PLPPR1: variants seen among roughly 807,000 people sequenced by gnomAD.
The protein encoded by PLPPR1 is phospholipid phosphatase related 1, also known as phospholipid phosphatase-related protein type 1.
A neutral mutation model predicts 33.1 loss-of-function variants in PLPPR1; 10 were observed. The ratio of observed to expected loss-of-function variants is 0.30; its 90% CI spans 0.19 to 0.51. PLPPR1 has a LOEUF of 0.51. Among genes scored for constraint, PLPPR1 ranks in the 20% least tolerant of loss-of-function variants. The pLI, the probability that PLPPR1 is intolerant of heterozygous loss-of-function variation, is 0.97. For synonymous variants in PLPPR1, 151 were observed against 151.0 expected (o/e 1.00, Z 0.00); for missense variants, 304 against 408.1 (o/e 0.74, Z 2.20).
At position 101,180,094 on chromosome 9, in the gene PLPPR1, TTATATATATATATATA is replaced by T. The variant is rs71507977; in HGVS notation, c.-45-5321_-45-5306del. Among the ~76,000 whole-genome samples the T allele has an allele frequency of 7.6e-4, 47 of 62,020 alleles. 4 individuals carry two copies. In the East Asian group the frequency reaches 0.012, roughly 16 times the overall value. The allele number at this position is 62,020 out of a possible 152,430, so 40.7% of individuals were successfully genotyped here. A position where few individuals can be genotyped will look rare whatever the true frequency, so the allele number is the denominator to read the frequency against. On this transcript the variant is annotated intron_variant, in intron 1 of 7. Coordinates refer to ENST00000374874, the MANE Select transcript of PLPPR1 (RefSeq NM_207299.2). ...GAGTTAATACTTAATAAACTCTCCT[TTATATATATATATATA>T]TATATATATATATATATATATATAT... is the stretch of plus-strand genomic sequence containing the variant.
At chr9:101,222,006 A>G (rs1282735664) in intron 2 of PLPPR1, among the ~76,000 whole-genome samples, 1 of 152,234 alleles carries the variant, frequency 6.6e-6, no homozygotes, top group South Asian at 2.1e-4. Flanking sequence ...GAAAATCAGC[A>G]TCAACATATA....
chr9:101,307,843 CT>C (rs1167237230), intron 4 of PLPPR1, among the ~76,000 whole-genome samples: 1 of 152,196 alleles, frequency 6.6e-6, no homozygotes, highest in Non-Finnish European at 1.5e-5. Flanking sequence ...GCCTCTCGCA[CT>C]TGTCAACTTC....
At chr9:101,128,249 G>A (rs1035805686) in intron 1 of PLPPR1, among the ~76,000 whole-genome samples, 1 of 152,160 alleles carries the variant, frequency 6.6e-6, no homozygotes, top group Non-Finnish European at 1.5e-5. Flanking sequence ...ACATTCAGCT[G>A]TAGAGAAATT....
chr9:101,237,938 A>G (rs182442976), intron 2 of PLPPR1, among the ~76,000 whole-genome samples: 39 of 131,874 alleles, frequency 3.0e-4, no homozygotes, highest in African/African-American at 1.1e-3. Context: ...ATATATATAT[A>G]TATGCTATAT....
chr9:101,240,667 A>G (rs1158189489), intron 2 of PLPPR1, among the ~76,000 whole-genome samples: 2 of 151,982 alleles, frequency 1.3e-5, no homozygotes, highest in South Asian at 4.1e-4. Context: ...TTGTTATCCA[A>G]CCTCCCTTCT....
At chr9:101,046,435 C>CTTTTTTTTTTTTTTT (rs527884198) in intron 1 of PLPPR1, among the ~76,000 whole-genome samples, 14 of 116,752 alleles carry the variant, frequency 1.2e-4, no homozygotes, top group East Asian at 5.4e-4. Flanking sequence ...CTCTTTTATT[C>CTTTTTTTTTTTTTTT]TTTTTTTTTT....
chr9:101,062,236 G>A (rs1028488094), intron 1 of PLPPR1, among the ~76,000 whole-genome samples: 5 of 151,112 alleles, frequency 3.3e-5, no homozygotes, highest in African/African-American at 4.9e-5. Flanking sequence ...TATCTGTCAA[G>A]GATCACATTA....
chr9:101,155,944 C>T (rs950803615), intron 1 of PLPPR1, among the ~76,000 whole-genome samples: 5 of 152,092 alleles, frequency 3.3e-5, no homozygotes, highest in African/African-American at 1.2e-4. Flanking sequence ...CACATTCAAG[C>T]AAGAGCAAAT....
In PLPPR1 at chr9:101,286,811, G is replaced by C. The variant is rs147418967; in HGVS notation, c.385+575G>C. The stretch of plus-strand genomic sequence containing the variant: ...GAGGTGCTAGTGATTAATAATTATA[G>C]ATATGGGAATAAATGTGTATGGGTA... On this transcript the variant is annotated intron_variant, in intron 4 of 7. Coordinates refer to ENST00000374874, the MANE Select transcript of PLPPR1 (RefSeq NM_207299.2). 8.2e-3 allele frequency among the ~76,000 whole-genome samples: 1,255 copies of C among 152,280 alleles called. 9 individuals are homozygous for C. Among genetic ancestry groups the C allele is most frequent in the Non-Finnish European group, 0.013 (866 of 68,028 alleles).
intron 4 of PLPPR1, among the ~76,000 whole-genome samples, chr9:101,302,045 GC>G (rs1363342215): frequency 1.3e-5 from 2 of 152,138 alleles, no homozygotes; most frequent in African/African-American, 4.8e-5. Context: ...TAAGAATATA[GC>G]CTCTGGAGCC....
rs1165276476 is a variant in PLPPR1 at position 101,281,406 on chromosome 9, A to G, written c.253-4698A>G. Reference sequence around the variant, plus strand: ...TGTTCTTCAAAAAAATAGAAAAGAAATAATTCTGACATTTATATGACATCA... The same window carrying G: ...TGTTCTTCAAAAAAATAGAAAAGAAGTAATTCTGACATTTATATGACATCA... On this transcript the variant is annotated intron_variant, in intron 3 of 7. Transcript: ENST00000374874. 2.0e-5 allele frequency among the ~76,000 whole-genome samples: 3 copies of G among 152,216 alleles called. No individual in the cohort carries two copies. The South Asian group carries it at 6.2e-4, about 32-fold the overall frequency.
At chr9:101,146,341 A>G (rs1831521708) in intron 1 of PLPPR1, among the ~76,000 whole-genome samples, 1 of 152,156 alleles carries the variant, frequency 6.6e-6, no homozygotes, top group Non-Finnish European at 1.5e-5. Context: ...AAAAAGGGGT[A>G]ATACACTTCA....
intron 1 of PLPPR1, among the ~76,000 whole-genome samples, chr9:101,069,741 C>G (rs1830461150): frequency 1.3e-5 from 2 of 152,078 alleles, no homozygotes; most frequent in Admixed American, 6.6e-5. Flanking sequence ...CACTTACGTC[C>G]CTAACTGTCA....
intron 2 of PLPPR1, among the ~76,000 whole-genome samples, chr9:101,247,046 A>T (rs998098100): frequency 5.3e-5 from 8 of 151,952 alleles, no homozygotes; most frequent in African/African-American, 1.9e-4. Flanking sequence ...CTATTTAGTG[A>T]GAGAAACTAC....
At chr9:101,257,086 G>A (rs949501547) in intron 2 of PLPPR1, among the ~76,000 whole-genome samples, 2 of 152,064 alleles carry the variant, frequency 1.3e-5, no homozygotes, top group African/African-American at 2.4e-5. Flanking sequence ...TTAAATGACT[G>A]TATGCCAAAA....
At chr9:101,250,333 C>G (rs186163177) in intron 2 of PLPPR1, among the ~76,000 whole-genome samples, 12 of 152,180 alleles carry the variant, frequency 7.9e-5, no homozygotes, top group Admixed American at 6.6e-4. Flanking sequence ...CCATCCTCCT[C>G]CTTTTCAAAG....
At chr9:101,243,073 G>A (rs966022399) in intron 2 of PLPPR1, among the ~76,000 whole-genome samples, 3 of 152,010 alleles carry the variant, frequency 2.0e-5, no homozygotes, top group Admixed American at 2.0e-4. Flanking sequence ...AGAAGGAAAA[G>A]CATATTAATA....
intron 1 of PLPPR1, among the ~76,000 whole-genome samples, chr9:101,050,124 GAAAAAAAAAAA>G (rs35688096): frequency 5.7e-5 from 2 of 35,182 alleles, no homozygotes; most frequent in South Asian, 1.0e-3. Flanking sequence ...CTCCAACTCA[GAAAAAAAAAAA>G]AAAAAAAAAA....
chr9:101,316,013 T>G (rs1390370193), intron 6 of PLPPR1, among the ~76,000 whole-genome samples: 1 of 152,114 alleles, frequency 6.6e-6, no homozygotes, highest in Non-Finnish European at 1.5e-5. Context: ...CTATCCTCAT[T>G]TTATAGATGA....
Sources: allele counts gnomAD v4.1 joint callset (sites outside exome capture counted in the v4.1 genomes callset), GRCh38; gene constraint gnomAD v4.1.1; transcripts MANE v1.5; gene names NCBI Gene and HGNC (gene_info 2026-07-23, HGNC 2026-07-21).